CYP19A1: variants seen among roughly 807,000 people sequenced by gnomAD.
CYP19A1 encodes cytochrome P450 family 19 subfamily A member 1.
Under a neutral mutation model 44.4 loss-of-function variants are expected in CYP19A1, and 32 were observed. The ratio of observed to expected loss-of-function variants is 0.72; its 90% confidence interval spans 0.54 to 0.97. The LOEUF is 0.97. CYP19A1 is among the 50% of genes least tolerant of loss of function. The pLI is 0.00. For synonymous variants in CYP19A1, 212 were observed against 215.6 expected (o/e 0.98, Z 0.14); for missense variants, 598 against 637.8 (o/e 0.94, Z 0.67).
chr15:51,228,830 TCTC>T (rs1345066306), intron 3 of CYP19A1, among the ~76,000 whole-genome samples: 1 of 152,222 alleles, frequency 6.6e-6, no homozygotes, highest in Non-Finnish European at 1.5e-5. Context: ...TGGTCCTCCC[TCTC>T]CTCTGGTCTC....
intron 1 of CYP19A1, among the ~76,000 whole-genome samples, chr15:51,314,622 T>C (rs1283127369): frequency 1.3e-5 from 2 of 152,246 alleles, no homozygotes; most frequent in East Asian, 3.8e-4. Flanking sequence ...CTTAGAACTC[T>C]AACTTGCATC....
At chr15:51,269,278 T>C (rs1485276345) in intron 1 of CYP19A1, among the ~76,000 whole-genome samples, 22 of 152,138 alleles carry the variant, frequency 1.4e-4, no homozygotes, top group Admixed American at 1.4e-3. Flanking sequence ...AAAAGGCCCT[T>C]TTCCCCCCTC....
intron 8 of CYP19A1, among the ~76,000 whole-genome samples, chr15:51,212,917 A>G (rs1406261435): frequency 2.0e-5 from 3 of 152,182 alleles, no homozygotes; most frequent in African/African-American, 7.2e-5. Context: ...AGTTCCATCT[A>G]GACCACACCC....
At chr15:51,253,619 CCAGT>C (rs1398252206) in intron 1 of CYP19A1, among the ~76,000 whole-genome samples, 1 of 152,120 alleles carries the variant, frequency 6.6e-6, no homozygotes, top group Non-Finnish European at 1.5e-5. Flanking sequence ...TATCCTCTGC[CCAGT>C]CAGAGGATAT....
chr15:51,322,195 G>T (rs925719994), intron 1 of CYP19A1, among the ~76,000 whole-genome samples: 2 of 152,180 alleles, frequency 1.3e-5, no homozygotes, highest in South Asian at 4.1e-4. Context: ...GCTTCCCTGT[G>T]CATGGAAAGG....
intron 1 of CYP19A1, chr15:51,320,424 T>C (rs970979488): frequency 7.9e-5 from 12 of 152,500 alleles, no homozygotes; most frequent in African/African-American, 2.9e-4. Context: ...AGGCTTTTTA[T>C]CTGGCTGAGG....
At chr15:51,280,729 C>A (rs1313870451) in intron 1 of CYP19A1, among the ~76,000 whole-genome samples, 1 of 152,146 alleles carries the variant, frequency 6.6e-6, no homozygotes, top group African/African-American at 2.4e-5. Context: ...TACAAATGTT[C>A]CAACTTGAAC....
chr15:51,320,089 C>G (rs1195181858), intron 1 of CYP19A1: 1 of 152,272 alleles, frequency 6.6e-6, no homozygotes, highest in Non-Finnish European at 1.5e-5. Context: ...ATGAGTAGAC[C>G]TTTGAGGATC....
intron 1 of CYP19A1, among the ~76,000 whole-genome samples, chr15:51,336,041 T>C (rs1311049041): frequency 6.6e-6 from 1 of 152,216 alleles, no homozygotes; most frequent in Non-Finnish European, 1.5e-5. Flanking sequence ...ACAACTCAGC[T>C]TCAGGTGCCA....
In CYP19A1 at chr15:51,294,815, GAGGTGTACC is replaced by G. The variant is rs1420497472; in HGVS notation, c.-39+43671_-39+43679del. On this transcript the variant is annotated intron_variant, in intron 1 of 9. Transcript: ENST00000396402. ...TCTGCCCGGCCACCACCCCGTCTGG[GAGGTGTACC>G]CAACAGCTCATTGAGAACGGGCCAT... Among the ~76,000 whole-genome samples, 4 of 152,208 alleles carry G rather than the reference GAGGTGTACC, an allele frequency of 2.6e-5. No individual in the cohort carries two copies. The South Asian group carries it at 8.3e-4, about 32-fold the overall frequency.
chr15:51,313,755 C>G (rs935114841), intron 1 of CYP19A1, among the ~76,000 whole-genome samples: 1 of 152,112 alleles, frequency 6.6e-6, no homozygotes, highest in African/African-American at 2.4e-5. Context: ...TGAGATCATA[C>G]CACTGCAGTC....
chr15:51,248,681 G>A (rs1346323022), intron 1 of CYP19A1, among the ~76,000 whole-genome samples: 2 of 152,014 alleles, frequency 1.3e-5, no homozygotes, highest in Non-Finnish European at 2.9e-5. Flanking sequence ...ACTGTATTCC[G>A]CTTCTAGAAC....
intron 1 of CYP19A1, among the ~76,000 whole-genome samples, chr15:51,331,438 G>C (rs2036699160): frequency 6.6e-6 from 1 of 152,164 alleles, no homozygotes; most frequent in South Asian, 2.1e-4. Flanking sequence ...AGCGGAAAGA[G>C]GACAAGGGGC....
chr15:51,334,041 G>C (rs1353667398), intron 1 of CYP19A1, among the ~76,000 whole-genome samples: 2 of 152,130 alleles, frequency 1.3e-5, no homozygotes, highest in East Asian at 3.8e-4. Flanking sequence ...TGCTAGACCA[G>C]GCTTGGCTTT....
chr15:51,265,797 G>T (rs2034895496), intron 1 of CYP19A1, among the ~76,000 whole-genome samples: 1 of 152,192 alleles, frequency 6.6e-6, no homozygotes, highest in Admixed American at 6.5e-5. Context: ...TCTTTCCACA[G>T]GGCAGGGGCT....
intron 1 of CYP19A1, among the ~76,000 whole-genome samples, chr15:51,308,596 G>T (rs1295065487): frequency 6.6e-6 from 1 of 151,996 alleles, no homozygotes; most frequent in Non-Finnish European, 1.5e-5. Context: ...CCCCAGTATG[G>T]CTCACATGTC....
At chr15:51,254,706 A>G (rs975823613) in intron 1 of CYP19A1, among the ~76,000 whole-genome samples, 1 of 152,142 alleles carries the variant, frequency 6.6e-6, no homozygotes, top group African/African-American at 2.4e-5. Context: ...TTTTTATTTC[A>G]AAAACTAAAA....
intron 3 of CYP19A1, among the ~76,000 whole-genome samples, chr15:51,230,952 T>C (rs1392509705): frequency 6.6e-6 from 1 of 152,188 alleles, no homozygotes; most frequent in Non-Finnish European, 1.5e-5. Context: ...ACTTGCCTCA[T>C]GTAGATCTGT....
In CYP19A1 at chr15:51,236,888, G is replaced by C. The variant is rs1409780204; in HGVS notation, c.267C>G (p.Ile89Met). The change falls in exon 3 of 10, where the codon ATC (isoleucine) becomes ATG (methionine). Residue 89 changes from isoleucine (I) to methionine (M), a missense_variant. Ile to Met is a conservative substitution (Grantham distance 10, BLOSUM62 1). Coordinates refer to ENST00000396402, the MANE Select transcript of CYP19A1 (RefSeq NM_000103.4). ...TGATAATGAGTGTTTCCTCTCCAGA[G>C]ATCCAGACTCGCATGAATTCTCCAT... The part of the protein sequence containing the change: ...RVYGEFMRVW[I>M]SGEETLIISK... The C allele has an allele frequency of 6.2e-7, 1 of 1,614,194 alleles. No individual in the cohort carries two copies. Among genetic ancestry groups the C allele is most frequent in the Non-Finnish European group, 8.5e-7 (1 of 1,180,026 alleles).
Sources: allele counts gnomAD v4.1 joint callset (sites outside exome capture counted in the v4.1 genomes callset), GRCh38; gene constraint gnomAD v4.1.1; transcripts MANE v1.5; gene names NCBI Gene and HGNC (gene_info 2026-07-23, HGNC 2026-07-21).